The following CACNB2 variants were observed in gnomAD, a reference collection of about 807,000 sequenced individuals.
CACNB2 encodes voltage-dependent L-type calcium channel subunit beta-2.
Under a neutral mutation model 73.3 loss-of-function variants are expected in CACNB2, and 42 were observed. The observed-to-expected ratio is 0.57, with a 90% CI of 0.45 to 0.74. The LOEUF is 0.74. Ranked by LOEUF, CACNB2 falls within the 30% of genes least tolerant of loss-of-function variation. The pLI, the probability that CACNB2 is intolerant of heterozygous loss-of-function variation, is 0.00. For missense variants in CACNB2, 940 were observed against 853.0 expected, an observed-to-expected ratio of 1.10 and a Z score of -1.27; for synonymous variants, 348 against 310.3, an observed-to-expected ratio of 1.12 and a Z score of -1.28.
At chr10:18,308,325 C>T (rs765208835) in intron 2 of CACNB2, among the ~76,000 whole-genome samples, 5 of 152,098 alleles carry the variant, frequency 3.3e-5, no homozygotes, top group Non-Finnish European at 5.9e-5. Flanking sequence ...AAAATGTTCA[C>T]GTTCAGGGGT....
intron 2 of CACNB2, among the ~76,000 whole-genome samples, chr10:18,153,240 A>T (rs979088057): frequency 6.6e-6 from 1 of 152,196 alleles, no homozygotes; most frequent in African/African-American, 2.4e-5. Flanking sequence ...TCTGTTTCCT[A>T]GAATATCAAT....
intron 3 of CACNB2, among the ~76,000 whole-genome samples, chr10:18,489,173 C>T (rs534586874): frequency 1.6e-4 from 24 of 151,934 alleles, no homozygotes; most frequent in Middle Eastern, 3.4e-3. Flanking sequence ...ATTAGTGAGC[C>T]GCGCCACTGC....
intron 3 of CACNB2, among the ~76,000 whole-genome samples, chr10:18,437,531 C>T (rs1411764413): frequency 6.6e-6 from 1 of 152,200 alleles, no homozygotes; most frequent in Non-Finnish European, 1.5e-5. Context: ...TCACAAAGGT[C>T]CTTTTGTTGC....
intron 5 of CACNB2, among the ~76,000 whole-genome samples, chr10:18,502,789 G>A (rs1446407444): frequency 2.1e-5 from 3 of 145,710 alleles, no homozygotes; most frequent in Non-Finnish European, 4.5e-5. Flanking sequence ...GGGAACATAA[G>A]ACACTGGGGA....
chr10:18,484,224 T>C (rs2048939513), intron 3 of CACNB2, among the ~76,000 whole-genome samples: 1 of 151,964 alleles, frequency 6.6e-6, no homozygotes, highest in South Asian at 2.1e-4. Context: ...TGAAACTCCA[T>C]CTGTACTAAA....
At position 18,237,405 on chromosome 10, in the gene CACNB2, G is replaced by T. The variant is rs566585877; in HGVS notation, c.213+86430G>T. Among the ~76,000 whole-genome samples the T allele has an allele frequency of 4.6e-5, 7 of 152,302 alleles. No individual in the cohort carries two copies. The South Asian group carries it at 1.5e-3, about 32-fold the overall frequency. On this transcript the variant is annotated intron_variant, in intron 2 of 13. Coordinates refer to ENST00000324631, the MANE Select transcript of CACNB2 (RefSeq NM_201596.3). ...CAGAGAGAAAAGATGGTCATCCAAA[G>T]GTGGAGGCAGAGATGGGGCAGATGC...
intron 3 of CACNB2, among the ~76,000 whole-genome samples, chr10:18,406,814 G>T (rs1295888580): frequency 2.0e-5 from 3 of 152,138 alleles, no homozygotes; most frequent in Non-Finnish European, 4.4e-5. Context: ...GTGGAGGACT[G>T]CTGCCTTAGA....
intron 2 of CACNB2, among the ~76,000 whole-genome samples, chr10:18,278,577 A>G (rs149694394): frequency 2.6e-5 from 4 of 152,280 alleles, no homozygotes; most frequent in East Asian, 1.9e-4. Context: ...ATCTTTTTCT[A>G]TTTTACTTAT....
At chr10:18,300,748 C>T (rs1212423290) in intron 2 of CACNB2, among the ~76,000 whole-genome samples, 2 of 152,134 alleles carry the variant, frequency 1.3e-5, no homozygotes, top group African/African-American at 4.8e-5. Flanking sequence ...ACTCGGGAGG[C>T]TGAGGTATGA....
chr10:18,255,643 G>C (rs185727431), intron 2 of CACNB2, among the ~76,000 whole-genome samples: 59 of 152,264 alleles, frequency 3.9e-4, no homozygotes, highest in Admixed American at 2.2e-3. Context: ...GATGGATAGA[G>C]ACAGTTGGTC....
At chr10:18,219,133 C>T (rs2035628127) in intron 2 of CACNB2, among the ~76,000 whole-genome samples, 1 of 152,110 alleles carries the variant, frequency 6.6e-6, no homozygotes, top group Admixed American at 6.5e-5. Flanking sequence ...CCATTGCATT[C>T]CAACCTGGGC....
At chr10:18,463,926 C>T (rs1235400218) in intron 3 of CACNB2, among the ~76,000 whole-genome samples, 1 of 152,126 alleles carries the variant, frequency 6.6e-6, no homozygotes, top group Non-Finnish European at 1.5e-5. Flanking sequence ...GTGGTCTGCA[C>T]TTAACTTCTC....
chr10:18,161,537 A>G (rs2032457249), intron 2 of CACNB2, among the ~76,000 whole-genome samples: 1 of 149,926 alleles, frequency 6.7e-6, no homozygotes, highest in African/African-American at 2.5e-5. Flanking sequence ...GTTTAGTCCT[A>G]TTCATGACCC....
chr10:18,153,769 A>G (rs2131050056), intron 2 of CACNB2, among the ~76,000 whole-genome samples: 2 of 149,410 alleles, frequency 1.3e-5, no homozygotes, highest in Admixed American at 6.8e-5. Flanking sequence ...TTTAGTAAAG[A>G]TGGAGTTTCA....
intron 2 of CACNB2, among the ~76,000 whole-genome samples, chr10:18,286,348 C>G (rs935487690): frequency 1.3e-5 from 2 of 151,784 alleles, no homozygotes; most frequent in Non-Finnish European, 2.9e-5. Flanking sequence ...AACCCCGTCT[C>G]TACTAAAAAA....
intron 3 of CACNB2, among the ~76,000 whole-genome samples, chr10:18,489,580 G>T (rs982003148): frequency 6.6e-6 from 1 of 151,924 alleles, no homozygotes; most frequent in African/African-American, 2.4e-5. Flanking sequence ...ATGGCTGGGA[G>T]AACTTTTTTG....
intron 2 of CACNB2, among the ~76,000 whole-genome samples, chr10:18,312,897 G>A (rs2040014717): frequency 6.6e-6 from 1 of 152,148 alleles, no homozygotes; most frequent in Admixed American, 6.5e-5. Context: ...TCATGCTACT[G>A]ACGATTACGG....
intron 3 of CACNB2, among the ~76,000 whole-genome samples, chr10:18,407,247 G>C (rs1235617365): frequency 6.8e-6 from 1 of 147,650 alleles, no homozygotes; most frequent in Admixed American, 6.9e-5. Context: ...TCAGCCTTCT[G>C]AGTAGCTGGC....
At chr10:18,467,578 T>G (rs1051714629) in intron 3 of CACNB2, among the ~76,000 whole-genome samples, 1 of 152,214 alleles carries the variant, frequency 6.6e-6, no homozygotes, top group Admixed American at 6.5e-5. Context: ...TACGCGTTAA[T>G]TGCTGCAGGA....
Sources: gnomAD v4.1 joint callset for allele counts (sites outside exome capture counted in the v4.1 genomes callset) on GRCh38, gnomAD v4.1.1 for gene constraint, MANE v1.5 for transcripts, NCBI Gene and HGNC (gene_info 2026-07-23, HGNC 2026-07-21) for gene names.